The following COL22A1 variants were observed in gnomAD, a reference collection of about 807,000 sequenced individuals.
COL22A1 encodes collagen alpha-1(XXII) chain.
Under a neutral mutation model 248.9 loss-of-function variants are expected in COL22A1, and 221 were observed. The observed-to-expected ratio is 0.89, with a 90% CI of 0.80 to 0.99. The LOEUF is 0.99. Among genes scored for constraint, COL22A1 ranks in the 50% least tolerant of loss-of-function variants. The pLI, the probability that COL22A1 is intolerant of heterozygous loss-of-function variation, is 0.00. For synonymous variants in COL22A1, 891 were observed against 793.4 expected (o/e 1.12, Z -2.07); for missense variants, 2,240 against 2,179.0 (o/e 1.03, Z -0.56).
chr8:138,650,226 G>T (rs146148034), intron 45 of COL22A1, among the ~76,000 whole-genome samples: 15 of 152,300 alleles, frequency 9.8e-5, no homozygotes, highest in African/African-American at 3.6e-4. Context: ...GCATTTGCCC[G>T]TCAAGTGGTT....
chr8:138,904,439 C>T (rs1184812880), intron 1 of COL22A1, among the ~76,000 whole-genome samples: 1 of 152,142 alleles, frequency 6.6e-6, no homozygotes. Flanking sequence ...GGAGGATGCA[C>T]ACAAGAGGAC....
intron 1 of COL22A1, among the ~76,000 whole-genome samples, chr8:138,911,076 C>G (rs748207179): frequency 6.6e-6 from 1 of 152,198 alleles, no homozygotes; most frequent in Non-Finnish European, 1.5e-5. Context: ...CTCAAGCATT[C>G]CAGGTTTAGA....
At chr8:138,671,100 T>C (rs1478319905) in intron 41 of COL22A1, among the ~76,000 whole-genome samples, 1 of 151,670 alleles carries the variant, frequency 6.6e-6, no homozygotes, top group Non-Finnish European at 1.5e-5. Flanking sequence ...TTGTTTTCAG[T>C]AAATACAGTG....
At chr8:138,692,470 T>C (rs1376198790) in intron 35 of COL22A1, among the ~76,000 whole-genome samples, 9 of 39,280 alleles carry the variant, frequency 2.3e-4, no homozygotes, top group Non-Finnish European at 5.0e-4. Context: ...TGCATGTGTG[T>C]GTGTGTGTGT....
At chr8:138,608,108 T>C (rs1311562761) in intron 56 of COL22A1, 119 bp from the exon 57 acceptor site, 14 of 777,944 alleles carry the variant, frequency 1.8e-5, no homozygotes, top group Non-Finnish European at 2.6e-5. Flanking sequence ...CTCTAGCCAG[T>C]GTGGCTCTCA....
At chr8:138,696,538 T>C (rs10107433) in intron 32 of COL22A1, among the ~76,000 whole-genome samples, 35,876 of 152,170 alleles carry the variant, frequency 0.24, 5,748 homozygotes, top group African/African-American at 0.47. Flanking sequence ...TCTCTCTATG[T>C]CTCTGCAAAT....
intron 3 of COL22A1, among the ~76,000 whole-genome samples, chr8:138,870,528 G>A (rs1276416012): frequency 6.6e-6 from 1 of 151,712 alleles, no homozygotes; most frequent in Non-Finnish European, 1.5e-5. Flanking sequence ...TTGTGCACAT[G>A]TGCCTAGATA....
chr8:138,608,543 A>C (rs895967838), intron 56 of COL22A1, among the ~76,000 whole-genome samples: 1 of 152,334 alleles, frequency 6.6e-6, no homozygotes, highest in South Asian at 2.1e-4. Flanking sequence ...TGGAAGGTCC[A>C]TTCACTCCAG....
chr8:138,833,222 G>A (rs535311509), intron 4 of COL22A1, 72 bp from the exon 5 acceptor site: 158 of 1,081,048 alleles, frequency 1.5e-4, no homozygotes, highest in South Asian at 3.7e-4. Flanking sequence ...AATCACATCC[G>A]CTGTCTGCAA....
chr8:138,724,346 A>G lies in COL22A1; in HGVS notation c.2247+269T>C, dbSNP rs373525096. Among the ~76,000 whole-genome samples the G allele has an allele frequency of 1.4e-4, 21 of 152,290 alleles. No individual in the cohort carries two copies. In the East Asian group the frequency reaches 2.9e-3, roughly 21 times the overall value. On this transcript the variant is annotated intron_variant, in intron 25 of 64. Coordinates refer to ENST00000303045, the MANE Select transcript of COL22A1 (RefSeq NM_152888.3). ...GGACTCTTGAATGTGTCTTTTGGTGAAAAGAGAAAGGTCAGTGGCCTAGGG... is the reference window on the plus strand; with the variant it reads ...GGACTCTTGAATGTGTCTTTTGGTGGAAAGAGAAAGGTCAGTGGCCTAGGG...
At chr8:138,599,166 C>T (rs1024665504) in intron 60 of COL22A1, among the ~76,000 whole-genome samples, 1 of 152,114 alleles carries the variant, frequency 6.6e-6, no homozygotes, top group Non-Finnish European at 1.5e-5. Flanking sequence ...TACGGTGAAA[C>T]CCTGTCTCTA....
At chr8:138,781,005 A>C (rs775789754) in intron 12 of COL22A1, 25 bp from the exon 13 acceptor site, 1 of 1,552,810 alleles carries the variant, frequency 6.4e-7, no homozygotes, top group Non-Finnish European at 8.8e-7. Flanking sequence ...AGAGAATAGC[A>C]ATTAGTAAAG....
At chr8:138,873,016 T>A (rs1332444189) in intron 3 of COL22A1, among the ~76,000 whole-genome samples, 2 of 152,200 alleles carry the variant, frequency 1.3e-5, no homozygotes, top group African/African-American at 4.8e-5. Flanking sequence ...ATGAGCCACA[T>A]CTGTTCTAGA....
At chr8:138,634,629 C>T (rs1358213396) in intron 49 of COL22A1, among the ~76,000 whole-genome samples, 1 of 152,182 alleles carries the variant, frequency 6.6e-6, no homozygotes, top group Non-Finnish European at 1.5e-5. Context: ...AATATCAAGA[C>T]AGGCTCCCCA....
At chr8:138,679,496 TA>T in intron 40 of COL22A1, 120 bp downstream of exon 40, 1 of 833,940 alleles carries the variant, frequency 1.2e-6, no homozygotes, top group Non-Finnish European at 2.0e-6. Flanking sequence ...ATCCATGTTC[TA>T]AGCTTCCAAA....
At chr8:138,598,977 C>T in intron 60 of COL22A1, 79 bp from the exon 61 acceptor site, 3 of 1,450,266 alleles carry the variant, frequency 2.1e-6, no homozygotes, top group East Asian at 2.4e-5. Context: ...GGGGTTCCCC[C>T]AGTCTGCCTC....
At chr8:138,879,837 T>C (rs909856802) in intron 2 of COL22A1, among the ~76,000 whole-genome samples, 3 of 150,044 alleles carry the variant, frequency 2.0e-5, no homozygotes, top group Admixed American at 6.7e-5. Flanking sequence ...CATTTGGCTA[T>C]AAAACAAAAC....
intron 5 of COL22A1, among the ~76,000 whole-genome samples, chr8:138,827,522 A>G (rs894288097): frequency 6.6e-6 from 1 of 151,980 alleles, no homozygotes; most frequent in African/African-American, 2.4e-5. Flanking sequence ...CATGGCGGCC[A>G]GAATAGACTG....
In COL22A1 at chr8:138,826,788, A is replaced by G; in HGVS notation, c.846-7T>C. 6.2e-7 allele frequency: 1 copy of G among 1,613,474 alleles called. No homozygotes were observed. Among genetic ancestry groups the G allele is most frequent in the South Asian group, 1.1e-5 (1 of 90,996 alleles). ...ACCTTGGGGGAACACATCCCTGGAG[A>G]AAAATGGAGACAAAGACACCAGGCT... On this transcript the variant is annotated splice_region_variant and splice_polypyrimidine_tract_variant and intron_variant, in intron 5 of 64. Transcript: ENST00000303045.
Sources: allele counts gnomAD v4.1 joint callset (sites outside exome capture counted in the v4.1 genomes callset), GRCh38; gene constraint gnomAD v4.1.1; transcripts MANE v1.5; gene names NCBI Gene and HGNC (gene_info 2026-07-23, HGNC 2026-07-21).